Variants in TADA2A observed in about 807,000 individuals in gnomAD.
TADA2A encodes transcriptional adapter 2-alpha.
TADA2A carries 38 observed loss-of-function variants against 67.4 expected under a neutral mutation model. That is an observed-to-expected ratio of 0.56 (90% CI 0.44 to 0.74). The LOEUF is 0.74. Ranked by LOEUF, TADA2A falls within the 30% of genes least tolerant of loss-of-function variation. The probability of loss-of-function intolerance (pLI) is 0.00; values close to 1 mark genes in which losing one functional copy is unlikely to be tolerated. For missense variants in TADA2A, 454 were observed against 547.0 expected (o/e 0.83, Z 1.70); for synonymous variants, 192 against 181.6 (o/e 1.06, Z -0.46).
chr17:37,429,398 A>G (rs1277441653), intron 4 of TADA2A, among the ~76,000 whole-genome samples: 3 of 152,156 alleles, frequency 2.0e-5, no homozygotes, highest in African/African-American at 7.2e-5. Flanking sequence ...ACTAGTCAGA[A>G]GACAGGAATC....
chr17:37,460,809 CTG>C (rs2053529700), intron 9 of TADA2A, among the ~76,000 whole-genome samples: 1 of 152,034 alleles, frequency 6.6e-6, no homozygotes, highest in African/African-American at 2.4e-5. Flanking sequence ...ATGTTACTAA[CTG>C]TAGACACAGT....
chr17:37,441,108 A>G (rs1369709244), intron 6 of TADA2A, among the ~76,000 whole-genome samples: 2 of 152,012 alleles, frequency 1.3e-5, no homozygotes, highest in Non-Finnish European at 2.9e-5. Context: ...AAAAAAAAAA[A>G]AAAAAGAGTC....
chr17:37,438,402 CTTTTA>C (rs1168561157), intron 5 of TADA2A, among the ~76,000 whole-genome samples: 3 of 152,128 alleles, frequency 2.0e-5, no homozygotes, highest in Non-Finnish European at 2.9e-5. Context: ...CATATGGATG[CTTTTA>C]TTTTATGAAC....
chr17:37,420,175 C>T (rs951975291), intron 2 of TADA2A, among the ~76,000 whole-genome samples: 4 of 146,024 alleles, frequency 2.7e-5, no homozygotes, highest in African/African-American at 7.5e-5. Context: ...TTTGGCTCAG[C>T]GCAGTGGCTC....
At chr17:37,434,398 C>T (rs886405231) in intron 4 of TADA2A, among the ~76,000 whole-genome samples, 3 of 152,234 alleles carry the variant, frequency 2.0e-5, no homozygotes, top group Non-Finnish European at 2.9e-5. Flanking sequence ...TTCCTGTCCT[C>T]TCTGGGTACA....
chr17:37,453,652 A>G (rs1391830655), intron 8 of TADA2A, among the ~76,000 whole-genome samples: 2 of 151,966 alleles, frequency 1.3e-5, no homozygotes, highest in African/African-American at 2.4e-5. Flanking sequence ...CTTGGATCTC[A>G]CATTCTTTGG....
intron 14 of TADA2A, among the ~76,000 whole-genome samples, chr17:37,472,938 AT>A (rs1296569074): frequency 2.0e-5 from 3 of 151,958 alleles, no homozygotes; most frequent in African/African-American, 7.3e-5. Context: ...TCTCTGTACT[AT>A]CTGCACTGAC....
At chr17:37,409,211 G>A (rs542518416) in intron 1 of TADA2A, among the ~76,000 whole-genome samples, 17 of 151,966 alleles carry the variant, frequency 1.1e-4, no homozygotes, top group East Asian at 3.9e-4. Context: ...TCAGCCTCCC[G>A]AGTAGCTGGG....
At chr17:37,453,326 T>C (rs2053283561) in intron 8 of TADA2A, among the ~76,000 whole-genome samples, 1 of 152,226 alleles carries the variant, frequency 6.6e-6, no homozygotes, top group Admixed American at 6.6e-5. Context: ...TTTTGTTTGC[T>C]TTCATGTAAT....
intron 2 of TADA2A, among the ~76,000 whole-genome samples, chr17:37,416,751 A>C (rs1203851072): frequency 6.6e-6 from 1 of 151,864 alleles, no homozygotes; most frequent in Non-Finnish European, 1.5e-5. Context: ...TATAGTCCCA[A>C]CTACTTGAGA....
chr17:37,473,991 C>T (rs2053844575), intron 14 of TADA2A, among the ~76,000 whole-genome samples: 1 of 152,186 alleles, frequency 6.6e-6, no homozygotes, highest in Non-Finnish European at 1.5e-5. Flanking sequence ...TATTTCCATT[C>T]GTCAGCTGTC....
chr17:37,423,752 C>CTT (rs10706906), intron 3 of TADA2A, 137 bp downstream of exon 3: 111 of 481,202 alleles, frequency 2.3e-4, no homozygotes, highest in South Asian at 5.0e-4. Flanking sequence ...CTTTTTCTTT[C>CTT]TTTTTTTTTT....
chr17:37,437,559 G>C (rs1326652695), intron 4 of TADA2A, among the ~76,000 whole-genome samples, 179 bp from the exon 5 acceptor site: 2 of 151,522 alleles, frequency 1.3e-5, no homozygotes, highest in African/African-American at 4.9e-5. Context: ...GCTCATTTTT[G>C]TGTTTTTAGT....
intron 8 of TADA2A, among the ~76,000 whole-genome samples, chr17:37,449,759 C>T (rs970563385): frequency 1.3e-5 from 2 of 151,948 alleles, no homozygotes; most frequent in Non-Finnish European, 2.9e-5. Context: ...AGCTGGGACT[C>T]CAGGCGTGCA....
chr17:37,438,220 C>T (rs748625706), intron 5 of TADA2A: 2 of 165,128 alleles, frequency 1.2e-5, no homozygotes, highest in Non-Finnish European at 1.3e-5. Flanking sequence ...GATGGTCATA[C>T]GTAAGATTCA....
chr17:37,411,326 G>C lies in TADA2A; in HGVS notation c.-40G>C. On this transcript the variant is annotated 5_prime_UTR_variant, in exon 2 of 16. Transcript: ENST00000615182. ...GGTTCTGAAGTCTTGAAGAAGCTCT[G>C]CTGAGGAAGACCAAAGCAGCACTCG... 6.2e-7 allele frequency: 1 copy of C among 1,612,788 alleles called. No individual in the cohort carries two copies. The highest frequency in any genetic ancestry group is 1.7e-4 in the Middle Eastern group (1 of 6,054).
rs376413669 is a variant in TADA2A at position 37,446,811 on chromosome 17, A to G, written c.604+2043A>G. Among the ~76,000 whole-genome samples, 7 of 152,262 alleles carry G rather than the reference A, an allele frequency of 4.6e-5. No homozygotes were observed. The East Asian group carries it at 7.7e-4, about 17-fold the overall frequency. ...ACTTCTCAACATTATTAAGAAAACT[A>G]TAGTAATGGTCGGTGTTTAATTTCA... On this transcript the variant is annotated intron_variant, in intron 8 of 15. Transcript: ENST00000615182.
At chr17:37,445,767 T>A (rs1358597573) in intron 8 of TADA2A, among the ~76,000 whole-genome samples, 8 of 151,266 alleles carry the variant, frequency 5.3e-5, no homozygotes, top group East Asian at 3.8e-4. Flanking sequence ...ACTTTTTTTT[T>A]AATTTTAGTT....
intron 3 of TADA2A, chr17:37,426,717 C>A: frequency 2.9e-6 from 1 of 339,590 alleles, no homozygotes; most frequent in Non-Finnish European, 5.2e-6. Context: ...TGGTGGCCCA[C>A]ACCTGTAATC....
Sources: gnomAD v4.1 joint callset for allele counts (sites outside exome capture counted in the v4.1 genomes callset) on GRCh38, gnomAD v4.1.1 for gene constraint, MANE v1.5 for transcripts, NCBI Gene and HGNC (gene_info 2026-07-23, HGNC 2026-07-21) for gene names.